LRRC49: variants seen among roughly 807,000 people sequenced by gnomAD.
LRRC49 encodes the protein leucine-rich repeat-containing protein 49.
A neutral mutation model predicts 83.3 loss-of-function variants in LRRC49; 50 were observed. The observed-to-expected ratio is 0.60, with a 90% CI of 0.48 to 0.76. LRRC49 has a LOEUF of 0.76. Ranked by LOEUF, LRRC49 falls within the 30% of genes least tolerant of loss-of-function variation. The pLI is 0.00. For missense variants in LRRC49, 704 were observed against 809.1 expected (o/e 0.87, Z 1.58); for synonymous variants, 286 against 283.3 (o/e 1.01, Z -0.10).
At chr15:71,013,229 T>C (rs2038716508) in intron 14 of LRRC49, among the ~76,000 whole-genome samples, 2 of 152,192 alleles carry the variant, frequency 1.3e-5, no homozygotes, top group African/African-American at 4.8e-5. Flanking sequence ...GAAAACATTT[T>C]ATCTAGTTCT....
intron 8 of LRRC49, 97 bp from the exon 9 acceptor site, chr15:70,963,688 T>C (rs749587656): frequency 8.0e-6 from 11 of 1,378,598 alleles, no homozygotes; most frequent in Non-Finnish European, 1.1e-5. Context: ...TCAATTTTTC[T>C]GTAAATCTAA....
intron 11 of LRRC49, 100 bp downstream of exon 11, chr15:70,984,357 T>C: frequency 9.3e-7 from 1 of 1,080,566 alleles, no homozygotes; most frequent in South Asian, 2.2e-5. Flanking sequence ...AAAAGGGTTT[T>C]CTTAAGAAAA....
At chr15:70,992,859 GT>G (rs2037937433) in intron 11 of LRRC49, among the ~76,000 whole-genome samples, 1 of 152,188 alleles carries the variant, frequency 6.6e-6, no homozygotes, top group South Asian at 2.1e-4. Context: ...CAGTCTGTCT[GT>G]TCTCAGATCT....
intron 14 of LRRC49, among the ~76,000 whole-genome samples, chr15:71,021,074 G>A (rs773340543): frequency 5.3e-4 from 81 of 152,242 alleles, no homozygotes; most frequent in South Asian, 4.1e-3. Flanking sequence ...AAAATCTCAT[G>A]TTTTAAGAAA....
At chr15:70,998,113 T>C (rs2038136002) in intron 11 of LRRC49, among the ~76,000 whole-genome samples, 1 of 152,194 alleles carries the variant, frequency 6.6e-6, no homozygotes, top group African/African-American at 2.4e-5. Flanking sequence ...CCTTTTCTGT[T>C]ACTATTTTCA....
chr15:70,980,271 G>A (rs535631695), intron 10 of LRRC49, 87 bp downstream of exon 10: 2 of 910,214 alleles, frequency 2.2e-6, no homozygotes, highest in Non-Finnish European at 3.3e-6. Context: ...TGGAAAAGTG[G>A]TTTCTAAACT....
chr15:70,994,476 T>G (rs1304208476), intron 11 of LRRC49, among the ~76,000 whole-genome samples: 1 of 152,058 alleles, frequency 6.6e-6, no homozygotes, highest in Non-Finnish European at 1.5e-5. Flanking sequence ...ATTTATTTAT[T>G]TATTTATTTA....
intron 11 of LRRC49, among the ~76,000 whole-genome samples, chr15:70,994,975 G>A (rs570827703): frequency 6.6e-6 from 1 of 152,288 alleles, no homozygotes; most frequent in South Asian, 2.1e-4. Context: ...AAATTCTGAG[G>A]AACTAAATGA....
chr15:70,872,426 G>A (rs1041328302), intron 1 of LRRC49, among the ~76,000 whole-genome samples: 9 of 151,894 alleles, frequency 5.9e-5, no homozygotes, highest in Non-Finnish European at 1.0e-4. Flanking sequence ...GAGAGGAGGA[G>A]GGGGAGGGCG....
chr15:71,040,622 A>G (rs1266803483), intron 15 of LRRC49, among the ~76,000 whole-genome samples: 1 of 151,988 alleles, frequency 6.6e-6, no homozygotes, highest in Non-Finnish European at 1.5e-5. Flanking sequence ...GATCGAGACC[A>G]TCCTGGCTAA....
chr15:70,885,041 T>C (rs2033368640), intron 2 of LRRC49, among the ~76,000 whole-genome samples: 1 of 152,210 alleles, frequency 6.6e-6, no homozygotes, highest in Non-Finnish European at 1.5e-5. Flanking sequence ...GAATGTATTC[T>C]ACAGATATAC....
chr15:70,911,431 G>C (rs2034546762), intron 5 of LRRC49, 101 bp from the exon 6 acceptor site: 1 of 607,236 alleles, frequency 1.6e-6, no homozygotes, highest in Non-Finnish European at 3.0e-6. Flanking sequence ...TATGTAGATA[G>C]AGTAAATTAA....
chr15:70,925,598 G>T (rs535023636), intron 7 of LRRC49, among the ~76,000 whole-genome samples: 2 of 152,174 alleles, frequency 1.3e-5, no homozygotes, highest in Admixed American at 1.3e-4. Context: ...ATTCATATTG[G>T]TGCTTTCTTT....
intron 11 of LRRC49, among the ~76,000 whole-genome samples, chr15:70,994,447 A>G (rs12050549): frequency 0.07 from 10,669 of 152,030 alleles, 430 homozygotes; most frequent in South Asian, 0.17. Flanking sequence ...TCACACACCT[A>G]TTCTTCCATA....
At chr15:70,994,900 T>C (rs962837450) in intron 11 of LRRC49, among the ~76,000 whole-genome samples, 2 of 152,226 alleles carry the variant, frequency 1.3e-5, no homozygotes, top group Non-Finnish European at 2.9e-5. Context: ...AACGTCACTT[T>C]AAGAAACAGG....
chr15:70,884,745 A>G (rs2033360350), intron 2 of LRRC49, among the ~76,000 whole-genome samples: 1 of 152,226 alleles, frequency 6.6e-6, no homozygotes, highest in Non-Finnish European at 1.5e-5. Context: ...TGGATAAAAT[A>G]GAGTTTTAGA....
At chr15:70,876,578 C>T (rs920344217) in intron 2 of LRRC49, among the ~76,000 whole-genome samples, 5 of 152,160 alleles carry the variant, frequency 3.3e-5, no homozygotes, top group East Asian at 1.9e-4. Flanking sequence ...ACCTTTCTCC[C>T]GAGATTGGCT....
chr15:70,891,618 T>TGA (rs1555426203), upstream of LRRC49, among the ~76,000 whole-genome samples: 6 of 127,654 alleles, frequency 4.7e-5, no homozygotes, highest in African/African-American at 1.3e-4. Flanking sequence ...TGTGTGTGTG[T>TGA]GAGTTTTGGG....
chr15:70,922,623 G>A (rs536527771), intron 7 of LRRC49, among the ~76,000 whole-genome samples: 1 of 152,080 alleles, frequency 6.6e-6, no homozygotes, highest in Non-Finnish European at 1.5e-5. Context: ...GCACAATAGG[G>A]TGACTATAGT....
Sources: allele counts gnomAD v4.1 joint callset (sites outside exome capture counted in the v4.1 genomes callset), GRCh38; gene constraint gnomAD v4.1.1; transcripts MANE v1.5; gene names NCBI Gene and HGNC (gene_info 2026-07-23, HGNC 2026-07-21).